Variants in ODAD2 observed in about 807,000 individuals in gnomAD.
The protein encoded by ODAD2 is outer dynein arm docking complex subunit 2, also known as outer dynein arm-docking complex subunit 2.
In ODAD2, 89 loss-of-function variants were observed where a neutral mutation model predicts 106.8. That is an observed-to-expected ratio of 0.83 (90% CI 0.70 to 0.99). The LOEUF (loss-of-function observed/expected upper bound fraction) is 0.99, where lower values mean the gene tolerates loss of function less well. Ranked by LOEUF, ODAD2 falls within the 50% of genes least tolerant of loss-of-function variation. The pLI is 0.00. For synonymous variants in ODAD2, 404 were observed against 436.2 expected (o/e 0.93, Z 0.92); for missense variants, 1,168 against 1,238.5 (o/e 0.94, Z 0.85).
intron 19 of ODAD2, among the ~76,000 whole-genome samples, chr10:27,838,046 G>A (rs1838034920): frequency 6.6e-6 from 1 of 151,822 alleles, no homozygotes; most frequent in Non-Finnish European, 1.5e-5. Flanking sequence ...TAACAAAAAT[G>A]GATTAATCCT....
In ODAD2 at chr10:27,958,215, T is replaced by C. The variant is rs144571711; in HGVS notation, c.1386+3353A>G. Among the ~76,000 whole-genome samples, 245 of 152,344 alleles carry C rather than the reference T, an allele frequency of 1.6e-3. 2 individuals carry two copies. Among genetic ancestry groups the C allele is most frequent in the African/African-American group, 5.1e-3 (211 of 41,576 alleles). On this transcript the variant is annotated intron_variant, in intron 10 of 19. Coordinates refer to ENST00000305242, the MANE Select transcript of ODAD2 (RefSeq NM_018076.5). ...GCACATGATTTATTGATGAATAACT[T>C]GTGCAAATTTAAGTAGCACTTCATC...
chr10:27,873,351 C>G (rs1408505095), intron 17 of ODAD2, among the ~76,000 whole-genome samples: 1 of 124,604 alleles, frequency 8.0e-6, no homozygotes, highest in Non-Finnish European at 1.7e-5. Flanking sequence ...GTGTCTCTAT[C>G]TCCTTCAGTT....
At position 27,943,451 on chromosome 10, in the gene ODAD2, T is replaced by G. The variant is rs574079679; in HGVS notation, c.1743+771A>C. On this transcript the variant is annotated intron_variant, in intron 12 of 19. Transcript: ENST00000305242. ...ACAGTTTTTAATCCTGTCATGATTTTATACAATATTAAATATTATACATTT... is the reference window on the plus strand; with the variant it reads ...ACAGTTTTTAATCCTGTCATGATTTGATACAATATTAAATATTATACATTT... Among the ~76,000 whole-genome samples the G allele has an allele frequency of 3.3e-5, 5 of 152,152 alleles. No homozygotes were observed. The East Asian group carries it at 9.7e-4, about 29-fold the overall frequency.
chr10:27,882,213 GAAAGAAAGAAAGAAAGAAAGAAAT>G (rs1841779437), intron 17 of ODAD2, among the ~76,000 whole-genome samples: 3 of 151,064 alleles, frequency 2.0e-5, no homozygotes, highest in South Asian at 4.2e-4. Context: ...AAGAAAGAAA[GAAAGAAAGAAAGAAAGAAAGAAAT>G]ATGAACTCTC....
chr10:27,992,002 A>T (rs568065530), intron 2 of ODAD2, among the ~76,000 whole-genome samples: 1 of 152,328 alleles, frequency 6.6e-6, no homozygotes, highest in African/African-American at 2.4e-5. Context: ...GGTTGACATC[A>T]CTTGTTCTCA....
rs1354085624 is a variant in ODAD2, at chr10:27,828,724, T to C, written c.3022-16099A>G. On this transcript the variant is annotated intron_variant, in intron 19 of 19. Coordinates refer to ENST00000305242, the MANE Select transcript of ODAD2 (RefSeq NM_018076.5). The stretch of plus-strand genomic sequence containing the variant: ...AAAGAAGCTTTCCATGAAATAATTT[T>C]GTTTTGGTTTATAACTTTACTCTAG... 2.6e-5 allele frequency among the ~76,000 whole-genome samples: 4 copies of C among 152,216 alleles called. No individual in the cohort carries two copies. In the East Asian group the frequency reaches 5.8e-4, roughly 22 times the overall value.
chr10:27,961,765 C>G (rs1171750781), intron 9 of ODAD2, 50 bp from the exon 10 acceptor site: 3 of 1,452,090 alleles, frequency 2.1e-6, no homozygotes, highest in Non-Finnish European at 2.8e-6. Flanking sequence ...GTGTGGAGAT[C>G]TATTAAGACC....
intron 16 of ODAD2, among the ~76,000 whole-genome samples, chr10:27,921,508 G>T (rs1393877728): frequency 6.7e-6 from 1 of 149,468 alleles, no homozygotes; most frequent in Non-Finnish European, 1.5e-5. Flanking sequence ...GAAGATCCAT[G>T]AATTCCAGTA....
At chr10:27,856,536 A>G (rs1200060288) in intron 19 of ODAD2, among the ~76,000 whole-genome samples, 1 of 152,154 alleles carries the variant, frequency 6.6e-6, no homozygotes, top group African/African-American at 2.4e-5. Flanking sequence ...TGCCAAAAAC[A>G]TCTCATCCAC....
At chr10:27,842,824 T>C (rs1398423759) in intron 19 of ODAD2, among the ~76,000 whole-genome samples, 1 of 152,204 alleles carries the variant, frequency 6.6e-6, no homozygotes, top group African/African-American at 2.4e-5. Context: ...AATTTAATAA[T>C]AATTACTAAA....
intron 16 of ODAD2, among the ~76,000 whole-genome samples, chr10:27,931,307 CCT>C (rs1443621632): frequency 6.6e-6 from 1 of 151,992 alleles, no homozygotes; most frequent in Non-Finnish European, 1.5e-5. Context: ...TGGCCATTCC[CCT>C]GTTTGGGTGA....
At chr10:27,948,261 C>T (rs146476576) in intron 10 of ODAD2, among the ~76,000 whole-genome samples, 2,904 of 151,422 alleles carry the variant, frequency 0.019, 90 homozygotes, top group African/African-American at 0.067. Flanking sequence ...TTTTTTAGAA[C>T]AGTTTTATAT....
chr10:27,877,374 G>A (rs1233165884), intron 17 of ODAD2, among the ~76,000 whole-genome samples: 1 of 152,072 alleles, frequency 6.6e-6, no homozygotes, highest in Non-Finnish European at 1.5e-5. Context: ...GAGATACCAG[G>A]AGCCAAAGTC....
intron 17 of ODAD2, among the ~76,000 whole-genome samples, chr10:27,876,868 G>C (rs192459144): frequency 2.0e-5 from 3 of 152,170 alleles, no homozygotes; most frequent in Non-Finnish European, 4.4e-5. Flanking sequence ...CCTAAAATCT[G>C]ATGTGGTCAT....
chr10:27,960,424 G>A (rs1848051915), intron 10 of ODAD2, among the ~76,000 whole-genome samples: 1 of 150,612 alleles, frequency 6.6e-6, no homozygotes, highest in South Asian at 2.1e-4. Flanking sequence ...TCGGCTCACT[G>A]CAACCTCCGC....
chr10:27,824,822 A>G (rs1005457108), intron 19 of ODAD2, among the ~76,000 whole-genome samples: 3 of 152,178 alleles, frequency 2.0e-5, no homozygotes, highest in Non-Finnish European at 4.4e-5. Context: ...TTTCTGAGAG[A>G]CTATTTGGAA....
intron 6 of ODAD2, among the ~76,000 whole-genome samples, chr10:27,982,880 TC>T (rs1178836780): frequency 6.6e-6 from 1 of 152,186 alleles, no homozygotes; most frequent in Non-Finnish European, 1.5e-5. Flanking sequence ...GTGCTGTTTA[TC>T]ACTCAGCTCA....
intron 10 of ODAD2, among the ~76,000 whole-genome samples, chr10:27,960,704 C>T (rs1848076935): frequency 6.6e-6 from 1 of 151,972 alleles, no homozygotes; most frequent in Admixed American, 6.6e-5. Context: ...TTATGGGGTA[C>T]AATGTGATAT....
intron 16 of ODAD2, among the ~76,000 whole-genome samples, chr10:27,917,356 G>A (rs1343475609): frequency 6.6e-6 from 1 of 152,162 alleles, no homozygotes. Context: ...TTATGTTTGT[G>A]GGATGAGGCT....
Sources: gnomAD v4.1 joint callset for allele counts (sites outside exome capture counted in the v4.1 genomes callset) on GRCh38, gnomAD v4.1.1 for gene constraint, MANE v1.5 for transcripts, NCBI Gene and HGNC (gene_info 2026-07-23, HGNC 2026-07-21) for gene names.